The following FRMD3 variants were observed in gnomAD, a reference collection of about 807,000 sequenced individuals.
The protein encoded by FRMD3 is FERM domain containing 3, also known as FERM domain-containing protein 3.
A neutral mutation model predicts 70.2 loss-of-function variants in FRMD3; 33 were observed. That is an observed-to-expected ratio of 0.47 (90% CI 0.36 to 0.63). The LOEUF is 0.63. Ranked by LOEUF, FRMD3 falls within the 20% of genes least tolerant of loss-of-function variation. The pLI, the probability that FRMD3 is intolerant of heterozygous loss-of-function variation, is 0.00. For synonymous variants in FRMD3, 279 were observed against 255.9 expected, an observed-to-expected ratio of 1.09 and a Z score of -0.86; for missense variants, 632 against 711.4, an observed-to-expected ratio of 0.89 and a Z score of 1.27.
chr9:83,309,685 G>GTT, intron 9 of FRMD3, 61 bp from the exon 10 acceptor site: 415 of 871,192 alleles, frequency 4.8e-4, no homozygotes, highest in South Asian at 1.1e-3. Context: ...TTTTCCATGG[G>GTT]TTTTTTTTTT....
upstream of FRMD3, among the ~76,000 whole-genome samples, chr9:83,539,299 G>A (rs1281364430): frequency 6.6e-6 from 1 of 152,204 alleles, no homozygotes; most frequent in Non-Finnish European, 1.5e-5. Flanking sequence ...CTGCCTCTCT[G>A]TTGTCCCCAA....
chr9:83,348,959 A>G (rs146250359), intron 4 of FRMD3, among the ~76,000 whole-genome samples: 3 of 152,312 alleles, frequency 2.0e-5, no homozygotes, highest in South Asian at 2.1e-4. Flanking sequence ...TGTTGCATCT[A>G]TCTGTACCTA....
chr9:83,452,844 T>C (rs1427798899), intron 1 of FRMD3, among the ~76,000 whole-genome samples: 1 of 142,420 alleles, frequency 7.0e-6, no homozygotes, highest in Non-Finnish European at 1.5e-5. Context: ...CAAATTTTTA[T>C]TGCCTTTTTT....
At chr9:83,259,506 G>A (rs1182600568) in intron 13 of FRMD3, among the ~76,000 whole-genome samples, 1 of 152,100 alleles carries the variant, frequency 6.6e-6, no homozygotes, top group Non-Finnish European at 1.5e-5. Context: ...CTGCCTTCTA[G>A]TGAGTCATGC....
intron 12 of FRMD3, among the ~76,000 whole-genome samples, chr9:83,293,392 G>A (rs1432573083): frequency 6.6e-6 from 1 of 152,076 alleles, no homozygotes; most frequent in African/African-American, 2.4e-5. Flanking sequence ...ATTCTTGCAC[G>A]TGCAGTTCTG....
chr9:83,292,491 A>G (rs1015362505), intron 12 of FRMD3, among the ~76,000 whole-genome samples: 3 of 151,740 alleles, frequency 2.0e-5, no homozygotes, highest in African/African-American at 7.3e-5. Flanking sequence ...ATCTCCCTGT[A>G]CCCAAACACA....
At chr9:83,351,687 T>TGTA (rs1554691506) in intron 3 of FRMD3, among the ~76,000 whole-genome samples, 1 of 145,594 alleles carries the variant, frequency 6.9e-6, no homozygotes, top group Non-Finnish European at 1.5e-5. Flanking sequence ...GATAGTTACA[T>TGTA]GATAGATAGA....
At chr9:83,274,701 G>A (rs571717571) in intron 13 of FRMD3, among the ~76,000 whole-genome samples, 1 of 152,266 alleles carries the variant, frequency 6.6e-6, no homozygotes. Context: ...AGTGTGTGAG[G>A]AACCATTGGC....
chr9:83,349,150 C>T (rs1043894047), intron 4 of FRMD3, among the ~76,000 whole-genome samples: 1 of 152,026 alleles, frequency 6.6e-6, no homozygotes, highest in Non-Finnish European at 1.5e-5. Flanking sequence ...AAGCTGTAGC[C>T]CCAACAGAGG....
intron 1 of FRMD3, among the ~76,000 whole-genome samples, chr9:83,471,657 T>G (rs901586332): frequency 6.6e-6 from 1 of 152,214 alleles, no homozygotes; most frequent in Non-Finnish European, 1.5e-5. Context: ...TCATTGCAAA[T>G]TCACCTTGTT....
At chr9:83,487,811 A>T (rs1828721030) in intron 1 of FRMD3, among the ~76,000 whole-genome samples, 1 of 152,228 alleles carries the variant, frequency 6.6e-6, no homozygotes, top group South Asian at 2.1e-4. Context: ...GCTTTAGAAG[A>T]TGAATAGGCT....
intron 4 of FRMD3, among the ~76,000 whole-genome samples, chr9:83,346,278 A>T (rs1309777482): frequency 6.6e-6 from 1 of 151,266 alleles, no homozygotes; most frequent in Non-Finnish European, 1.5e-5. Context: ...AAAAAAAAAA[A>T]AGTGCAAACA....
intron 13 of FRMD3, among the ~76,000 whole-genome samples, chr9:83,260,983 T>G (rs910616370): frequency 1.2e-4 from 19 of 152,140 alleles, no homozygotes; most frequent in Non-Finnish European, 2.8e-4. Context: ...GCAGAAGATC[T>G]AATACTACAA....
intron 1 of FRMD3, among the ~76,000 whole-genome samples, chr9:83,466,479 T>C (rs755330523): frequency 6.6e-6 from 1 of 152,208 alleles, no homozygotes; most frequent in Non-Finnish European, 1.5e-5. Flanking sequence ...CCTTTTTTGC[T>C]ACACATTTCT....
At chr9:83,320,067 T>C (rs953378024) in intron 6 of FRMD3, among the ~76,000 whole-genome samples, 1 of 152,234 alleles carries the variant, frequency 6.6e-6, no homozygotes, top group Admixed American at 6.5e-5. Flanking sequence ...GTAGCGATTT[T>C]AGGGTTTTCT....
intron 5 of FRMD3, among the ~76,000 whole-genome samples, chr9:83,339,769 G>A (rs1823695680): frequency 6.6e-6 from 1 of 152,142 alleles, no homozygotes; most frequent in Non-Finnish European, 1.5e-5. Flanking sequence ...CAGGAACTTT[G>A]TATTGCCATG....
chr9:83,288,759 G>T (rs1245015442), intron 13 of FRMD3, among the ~76,000 whole-genome samples: 1 of 152,214 alleles, frequency 6.6e-6, no homozygotes, highest in East Asian at 1.9e-4. Flanking sequence ...CAGTTGCTAT[G>T]TCAAAAACAC....
intron 10 of FRMD3, among the ~76,000 whole-genome samples, chr9:83,300,587 G>A (rs2131014625): frequency 6.6e-6 from 1 of 152,234 alleles, no homozygotes; most frequent in Non-Finnish European, 1.5e-5. Context: ...TACACATTAG[G>A]TGCAATATAC....
chr9:83,422,567 G>A (rs1397298213), intron 1 of FRMD3, among the ~76,000 whole-genome samples: 1 of 152,206 alleles, frequency 6.6e-6, no homozygotes, highest in Non-Finnish European at 1.5e-5. Context: ...TCCTCTCATA[G>A]CAAGCTTCAT....
Sources: allele counts gnomAD v4.1 joint callset (sites outside exome capture counted in the v4.1 genomes callset), GRCh38; gene constraint gnomAD v4.1.1; transcripts MANE v1.5; gene names NCBI Gene and HGNC (gene_info 2026-07-23, HGNC 2026-07-21).